SUCLG2: variants seen among roughly 807,000 people sequenced by gnomAD.
SUCLG2 encodes the protein succinate-CoA ligase GDP-forming subunit beta.
Under a neutral mutation model 47.9 loss-of-function variants are expected in SUCLG2, and 42 were observed. That is an observed-to-expected ratio of 0.88 (90% confidence interval 0.69 to 1.14). The LOEUF (loss-of-function observed/expected upper bound fraction) is 1.14. SUCLG2 is among the 50% of genes most tolerant of loss of function. The probability of loss-of-function intolerance (pLI) is 0.00; values close to 1 mark genes in which losing one functional copy is unlikely to be tolerated. For synonymous variants in SUCLG2, 195 were observed against 197.3 expected (o/e 0.99, Z 0.10); for missense variants, 571 against 525.9 (o/e 1.09, Z -0.84).
chr3:67,526,068 A>C (rs1336900117), intron 4 of SUCLG2, among the ~76,000 whole-genome samples: 4 of 152,224 alleles, frequency 2.6e-5, no homozygotes, highest in Non-Finnish European at 5.9e-5. Context: ...TGGGAAGTCC[A>C]AGATCAGTGC....
chr3:67,438,346 C>A (rs1242234042), intron 9 of SUCLG2, among the ~76,000 whole-genome samples: 1 of 151,862 alleles, frequency 6.6e-6, no homozygotes. Flanking sequence ...CAAACAAATT[C>A]AAAAGGTAGC....
rs375799449 is a variant in SUCLG2, at chr3:67,412,875, G to A, written c.1063-12024C>T. 1.3e-5 allele frequency among the ~76,000 whole-genome samples: 2 copies of A among 152,226 alleles called. 1 individual carries two copies. The highest frequency in any genetic ancestry group is 4.8e-5 in the African/African-American group (2 of 41,534). ...TTTCCTTTTAAGACTAACTGATAAT[G>A]TGCCATTTTGACCAACCCAGCTTGC... On this transcript the variant is annotated intron_variant, in intron 9 of 10. Coordinates refer to ENST00000307227, the MANE Select transcript of SUCLG2 (RefSeq NM_003848.4).
downstream of SUCLG2, among the ~76,000 whole-genome samples, chr3:67,370,443 T>C (rs1307587239): frequency 6.6e-6 from 1 of 152,104 alleles, no homozygotes; most frequent in African/African-American, 2.4e-5. Flanking sequence ...AAAGCACCAA[T>C]TGGCAAGGTC....
chr3:67,374,823 A>G lies in SUCLG2; in HGVS notation c.*921T>C. The G allele has an allele frequency of 2.1e-6, 2 of 947,370 alleles. No homozygotes were observed. The highest frequency in any genetic ancestry group is 2.5e-6 in the Non-Finnish European group (2 of 811,492). The allele number at this position is 947,370 out of a possible 1,614,324, so 58.7% of individuals were successfully genotyped here. A position where few individuals can be genotyped will look rare whatever the true frequency, so the allele number is the denominator to read the frequency against. The stretch of plus-strand genomic sequence containing the variant: ...ATCCTTTCCCACAACAAAATTGGAC[A>G]TCATGGAAAAAAAAAACACATTCAA... On this transcript the variant is annotated 3_prime_UTR_variant, in exon 11 of 11. Coordinates refer to ENST00000307227, the MANE Select transcript of SUCLG2 (RefSeq NM_003848.4).
rs374699168 is a variant in SUCLG2 at position 67,432,511 on chromosome 3, A to T, written c.1063-31660T>A. On this transcript the variant is annotated intron_variant, in intron 9 of 10. Transcript: ENST00000307227. ...TCCAGCTATACAATATTATATTCCA[A>T]ATTTGTTGTTTATTTTTTATCTAAT... 7.9e-5 allele frequency among the ~76,000 whole-genome samples: 12 copies of T among 152,228 alleles called. 1 individual carries two copies. The East Asian group carries it at 2.1e-3, about 27-fold the overall frequency.
chr3:67,411,187 A>C lies in SUCLG2; in HGVS notation c.1063-10336T>G, dbSNP rs981726380. On this transcript the variant is annotated intron_variant, in intron 9 of 10. Coordinates refer to ENST00000307227, the MANE Select transcript of SUCLG2 (RefSeq NM_003848.4). ...AAGCAAGAGGAAAAAATATATTTCTATGAGTGGTTTCTTCTCCTTTATTTG... is the reference window on the plus strand; with the variant it reads ...AAGCAAGAGGAAAAAATATATTTCTCTGAGTGGTTTCTTCTCCTTTATTTG... 7.9e-5 allele frequency among the ~76,000 whole-genome samples: 12 copies of C among 152,220 alleles called. No homozygotes were observed. In the East Asian group the frequency reaches 2.3e-3, roughly 29 times the overall value.
chr3:67,599,193 T>C (rs980944878), intron 2 of SUCLG2, among the ~76,000 whole-genome samples: 2 of 152,132 alleles, frequency 1.3e-5, no homozygotes, highest in African/African-American at 2.4e-5. Context: ...TTGCCTAGGG[T>C]TGTGAAGCTA....
intron 9 of SUCLG2, among the ~76,000 whole-genome samples, chr3:67,410,506 T>C (rs1263066882): frequency 2.0e-5 from 3 of 152,194 alleles, no homozygotes; most frequent in South Asian, 2.1e-4. Context: ...TCTATTTTTT[T>C]ACAGCCATAG....
At chr3:67,573,511 G>A (rs1336744791) in intron 2 of SUCLG2, among the ~76,000 whole-genome samples, 1 of 152,136 alleles carries the variant, frequency 6.6e-6, no homozygotes, top group Non-Finnish European at 1.5e-5. Flanking sequence ...TTAACACAAT[G>A]TATTATCTTA....
chr3:67,487,300 T>G (rs945766841), intron 9 of SUCLG2, among the ~76,000 whole-genome samples: 1 of 152,058 alleles, frequency 6.6e-6, no homozygotes, highest in African/African-American at 2.4e-5. Flanking sequence ...GGAAACTAAG[T>G]AAATCATAGT....
intron 10 of SUCLG2, among the ~76,000 whole-genome samples, chr3:67,388,322 G>A (rs952782579): frequency 5.9e-5 from 9 of 152,200 alleles, no homozygotes; most frequent in Non-Finnish European, 1.0e-4. Context: ...AAGCAAGAGA[G>A]CTTTGGACAT....
At chr3:67,598,895 T>C (rs1045196407) in intron 2 of SUCLG2, among the ~76,000 whole-genome samples, 1 of 152,192 alleles carries the variant, frequency 6.6e-6, no homozygotes, top group African/African-American at 2.4e-5. Context: ...AGGATGGGAC[T>C]ATGCTTCAAA....
At chr3:67,589,428 G>A (rs1708101148) in intron 2 of SUCLG2, among the ~76,000 whole-genome samples, 1 of 152,160 alleles carries the variant, frequency 6.6e-6, no homozygotes, top group Admixed American at 6.5e-5. Flanking sequence ...GGAACAAACT[G>A]CTTTTCATTA....
Position 67,508,915 on chromosome 3 carries a change from C to A in SUCLG2, c.661-12G>T. On this transcript the variant is annotated splice_polypyrimidine_tract_variant and intron_variant, in intron 6 of 10. Transcript: ENST00000307227. ...ATTTGATCTGCAGCCTAAATGTGATCAAGTGAAATAGAATTACACCAAAGC... is the reference window on the plus strand; with the variant it reads ...ATTTGATCTGCAGCCTAAATGTGATAAAGTGAAATAGAATTACACCAAAGC... 1 of 1,572,452 alleles carries A rather than the reference C, an allele frequency of 6.4e-7. No homozygotes were observed. The highest frequency in any genetic ancestry group is 1.2e-5 in the South Asian group (1 of 83,004).
At chr3:67,516,060 CAATGGTTA>C (rs1448331977) in intron 6 of SUCLG2, among the ~76,000 whole-genome samples, 1 of 152,044 alleles carries the variant, frequency 6.6e-6, no homozygotes, top group African/African-American at 2.4e-5. Flanking sequence ...CCCTGAGGAA[CAATGGTTA>C]TTTTTCATTG....
intron 2 of SUCLG2, among the ~76,000 whole-genome samples, chr3:67,570,146 A>G (rs138960425): frequency 6.6e-6 from 1 of 152,342 alleles, no homozygotes; most frequent in African/African-American, 2.4e-5. Context: ...ATCATCTGCA[A>G]GTCAAGAAGA....
intron 7 of SUCLG2, among the ~76,000 whole-genome samples, chr3:67,505,301 C>A (rs1198375533): frequency 1.3e-5 from 2 of 152,198 alleles, no homozygotes; most frequent in Admixed American, 1.3e-4. Flanking sequence ...TTAAGCCAGT[C>A]CACACCTTAG....
intron 9 of SUCLG2, among the ~76,000 whole-genome samples, chr3:67,459,370 C>T (rs1365744601): frequency 6.6e-6 from 1 of 152,172 alleles, no homozygotes; most frequent in Non-Finnish European, 1.5e-5. Context: ...AAACACCAGG[C>T]AGGCAGCAAA....
intron 1 of SUCLG2, among the ~76,000 whole-genome samples, chr3:67,635,980 T>C (rs1041151190): frequency 6.6e-6 from 1 of 152,206 alleles, no homozygotes; most frequent in Non-Finnish European, 1.5e-5. Context: ...AGAGCTTACA[T>C]GGTCACACAG....
Sources: allele counts gnomAD v4.1 joint callset (sites outside exome capture counted in the v4.1 genomes callset), GRCh38; gene constraint gnomAD v4.1.1; transcripts MANE v1.5; gene names NCBI Gene and HGNC (gene_info 2026-07-23, HGNC 2026-07-21).